FBXL17: variants seen among roughly 807,000 people sequenced by gnomAD.
FBXL17 encodes the protein F-box and leucine rich repeat protein 17, also known as F-box/LRR-repeat protein 17.
FBXL17 carries 22 observed loss-of-function variants against 66.2 expected under a neutral mutation model. The ratio of observed to expected loss-of-function variants is 0.33; its 90% CI spans 0.24 to 0.47. The LOEUF is 0.47. FBXL17 is among the 20% of genes least tolerant of loss of function. FBXL17 has a pLI of 1.00. For missense variants in FBXL17, 878 were observed against 948.2 expected (o/e 0.93, Z 0.97); for synonymous variants, 474 against 400.5 (o/e 1.18, Z -2.19).
chr5:108,293,417 A>C (rs1302887815), intron 4 of FBXL17, among the ~76,000 whole-genome samples: 1 of 152,130 alleles, frequency 6.6e-6, no homozygotes, highest in African/African-American at 2.4e-5. Context: ...GACATGTGTA[A>C]TTTTATTCCT....
At chr5:108,217,005 T>G (rs1206995582) in intron 5 of FBXL17, among the ~76,000 whole-genome samples, 1 of 152,148 alleles carries the variant, frequency 6.6e-6, no homozygotes, top group Non-Finnish European at 1.5e-5. Flanking sequence ...TGGGCTCCGG[T>G]GGGTTCCAGT....
chr5:108,198,053 C>G (rs1022010028), intron 5 of FBXL17, among the ~76,000 whole-genome samples: 6 of 152,134 alleles, frequency 3.9e-5, no homozygotes, highest in African/African-American at 1.4e-4. Context: ...AGCTGAGCCA[C>G]CTGCAATCTT....
At chr5:108,097,716 G>A (rs1309995928) in intron 6 of FBXL17, among the ~76,000 whole-genome samples, 1 of 151,690 alleles carries the variant, frequency 6.6e-6, no homozygotes, top group Non-Finnish European at 1.5e-5. Flanking sequence ...TTGAACCCGG[G>A]AGGCGGAAGC....
At chr5:108,241,180 G>A (rs1235337552) in intron 4 of FBXL17, among the ~76,000 whole-genome samples, 1 of 152,200 alleles carries the variant, frequency 6.6e-6, no homozygotes, top group Non-Finnish European at 1.5e-5. Context: ...CAATCCTTGT[G>A]AGACAGAGAT....
chr5:108,116,856 G>C (rs1455973415), intron 6 of FBXL17, among the ~76,000 whole-genome samples: 1 of 151,870 alleles, frequency 6.6e-6, no homozygotes, highest in Non-Finnish European at 1.5e-5. Flanking sequence ...CTCAGCTTTG[G>C]CAGGACTGAG....
intron 7 of FBXL17, among the ~76,000 whole-genome samples, chr5:107,966,446 A>T (rs1752144162): frequency 6.6e-6 from 1 of 152,126 alleles, no homozygotes. Context: ...GTCCAGTGAC[A>T]GAGAATGTTT....
At chr5:108,353,526 G>C (rs1479313487) in intron 3 of FBXL17, among the ~76,000 whole-genome samples, 1 of 152,196 alleles carries the variant, frequency 6.6e-6, no homozygotes, top group Non-Finnish European at 1.5e-5. Context: ...ATACAGCAAT[G>C]AGAGGAGAAA....
At chr5:108,040,779 T>C (rs1396740851) in intron 6 of FBXL17, among the ~76,000 whole-genome samples, 1 of 152,190 alleles carries the variant, frequency 6.6e-6, no homozygotes, top group East Asian at 1.9e-4. Context: ...TGAGGCTTTG[T>C]GGACATGAGG....
At chr5:107,870,535 C>A (rs1385410688) in intron 8 of FBXL17, among the ~76,000 whole-genome samples, 2 of 151,924 alleles carry the variant, frequency 1.3e-5, no homozygotes, top group African/African-American at 2.4e-5. Context: ...AGTGCTTCCT[C>A]AGTGGAAAAC....
chr5:108,124,181 AT>A (rs1485116299), intron 6 of FBXL17, among the ~76,000 whole-genome samples: 1 of 152,108 alleles, frequency 6.6e-6, no homozygotes, highest in East Asian at 1.9e-4. Context: ...AACATTGCAA[AT>A]TTCAGGTCAT....
intron 4 of FBXL17, among the ~76,000 whole-genome samples, chr5:108,303,258 T>C (rs1758674643): frequency 6.6e-6 from 1 of 151,614 alleles, no homozygotes; most frequent in Admixed American, 6.6e-5. Flanking sequence ...AAAATGCATA[T>C]ATTACCACCA....
intron 6 of FBXL17, among the ~76,000 whole-genome samples, chr5:108,022,942 T>G (rs962137778): frequency 6.6e-6 from 1 of 152,066 alleles, no homozygotes; most frequent in African/African-American, 2.4e-5. Context: ...AGAGAAAAGT[T>G]CAAGAGGTGT....
At chr5:108,111,137 A>C (rs1750016870) in intron 6 of FBXL17, among the ~76,000 whole-genome samples, 2 of 152,152 alleles carry the variant, frequency 1.3e-5, no homozygotes, top group Admixed American at 6.6e-5. Context: ...ATTTCGCACT[A>C]GAATGAACCA....
At chr5:107,978,797 A>G (rs1752689055) in intron 7 of FBXL17, among the ~76,000 whole-genome samples, 1 of 151,962 alleles carries the variant, frequency 6.6e-6, no homozygotes, top group African/African-American at 2.4e-5. Flanking sequence ...TTAAGTAATA[A>G]CTCTGTTGTC....
At chr5:107,888,027 T>C (rs978607162) in intron 7 of FBXL17, among the ~76,000 whole-genome samples, 1 of 152,238 alleles carries the variant, frequency 6.6e-6, no homozygotes, top group East Asian at 1.9e-4. Flanking sequence ...TAAATCTCTT[T>C]ACTTCTAATT....
At chr5:108,021,702 T>C (rs895923189) in intron 6 of FBXL17, among the ~76,000 whole-genome samples, 12 of 151,828 alleles carry the variant, frequency 7.9e-5, no homozygotes, top group African/African-American at 2.2e-4. Context: ...GGAAGTTGTA[T>C]ACAGATTCGA....
intron 7 of FBXL17, among the ~76,000 whole-genome samples, chr5:107,936,252 A>G (rs1481477420): frequency 6.6e-6 from 1 of 152,140 alleles, no homozygotes; most frequent in Admixed American, 6.6e-5. Context: ...TCATTAAGGC[A>G]TCATGTATCT....
intron 8 of FBXL17, among the ~76,000 whole-genome samples, chr5:107,876,430 G>A (rs576525581): frequency 6.6e-6 from 1 of 152,244 alleles, no homozygotes; most frequent in African/African-American, 2.4e-5. Flanking sequence ...CTTTTCACAA[G>A]GGTTTGGCAT....
intron 6 of FBXL17, among the ~76,000 whole-genome samples, chr5:108,143,660 A>C (rs1326483757): frequency 6.9e-6 from 1 of 145,880 alleles, no homozygotes; most frequent in Non-Finnish European, 1.5e-5. Flanking sequence ...ACCTTCCTTG[A>C]GCCCCTTAGC....
Sources: gnomAD v4.1 joint callset for allele counts (sites outside exome capture counted in the v4.1 genomes callset) on GRCh38, gnomAD v4.1.1 for gene constraint, MANE v1.5 for transcripts, NCBI Gene and HGNC (gene_info 2026-07-23, HGNC 2026-07-21) for gene names.